Variants in REDIC1 observed in about 807,000 individuals in gnomAD.
REDIC1 encodes the protein regulator of DNA class I crossover intermediates 1.
chr12:39,755,096 A>G, the REDIC1 span: 1 of 152,016 alleles, frequency 6.6e-6, no homozygotes, highest in Non-Finnish European at 1.5e-5. Flanking sequence ...CTTTTTTTAA[A>G]AAAAGATTTT....
chr12:39,734,117 T>C, the REDIC1 span, among the ~76,000 whole-genome samples: 1 of 152,184 alleles, frequency 6.6e-6, no homozygotes. Flanking sequence ...GAATGCACAG[T>C]TCCTCACTGC....
the REDIC1 span, among the ~76,000 whole-genome samples, chr12:39,743,238 C>T: frequency 4.6e-5 from 7 of 152,264 alleles, no homozygotes; most frequent in South Asian, 2.1e-4. Context: ...GAATACCCAA[C>T]GCCAGCCTAC....
chr12:39,756,495 A>G, the REDIC1 span: 1 of 151,856 alleles, frequency 6.6e-6, no homozygotes, highest in Non-Finnish European at 1.5e-5. Context: ...GTGCTGATGA[A>G]ATAAAACCAA....
the REDIC1 span, among the ~76,000 whole-genome samples, chr12:39,879,251 G>C: frequency 6.6e-6 from 1 of 152,216 alleles, no homozygotes; most frequent in East Asian, 1.9e-4. Flanking sequence ...AAGTACCAAG[G>C]GGAAATGTGG....
At chr12:39,733,742 C>T in the REDIC1 span, among the ~76,000 whole-genome samples, 59 of 152,274 alleles carry the variant, frequency 3.9e-4, no homozygotes, top group African/African-American at 1.4e-3. Context: ...TAATGGAGGA[C>T]GCCTCTGCCA....
the REDIC1 span, among the ~76,000 whole-genome samples, chr12:39,686,453 C>G: frequency 6.6e-6 from 1 of 152,212 alleles, no homozygotes; most frequent in Non-Finnish European, 1.5e-5. Context: ...ACATGGGCCC[C>G]TTTGAGCCAT....
At chr12:39,896,163 T>C in the REDIC1 span, among the ~76,000 whole-genome samples, 3 of 149,120 alleles carry the variant, frequency 2.0e-5, no homozygotes, top group African/African-American at 7.3e-5. Context: ...TACACGTGTA[T>C]ACATATATGA....
the REDIC1 span, among the ~76,000 whole-genome samples, chr12:39,860,769 C>T: frequency 6.6e-6 from 1 of 152,088 alleles, no homozygotes; most frequent in Non-Finnish European, 1.5e-5. Flanking sequence ...ATCTGTCTAC[C>T]TGCTTATCTC....
the REDIC1 span, among the ~76,000 whole-genome samples, chr12:39,674,131 C>T: frequency 1.3e-5 from 2 of 152,176 alleles, no homozygotes; most frequent in Non-Finnish European, 2.9e-5. Context: ...AACTTTAGTT[C>T]CCAAATCAGA....
At chr12:39,755,179 A>C in the REDIC1 span, 3 of 152,156 alleles carry the variant, frequency 2.0e-5, no homozygotes, top group Admixed American at 6.6e-5. Flanking sequence ...AAATCTCCAT[A>C]AAATATACAA....
the REDIC1 span, chr12:39,682,895 A>T: frequency 1.2e-6 from 2 of 1,612,820 alleles, no homozygotes; most frequent in Non-Finnish European, 1.7e-6. Flanking sequence ...AAGTGTGATT[A>T]TGATAGTATG....
chr12:39,847,589 A>G, the REDIC1 span, among the ~76,000 whole-genome samples: 1 of 152,164 alleles, frequency 6.6e-6, no homozygotes, highest in East Asian at 1.9e-4. Context: ...TGGTGAACTT[A>G]TGAAAGACAT....
At chr12:39,681,318 G>A in the REDIC1 span, among the ~76,000 whole-genome samples, 1 of 152,108 alleles carries the variant, frequency 6.6e-6, no homozygotes, top group Non-Finnish European at 1.5e-5. Context: ...GGGGACTCTG[G>A]TGGAGGGTGG....
At chr12:39,655,383 T>A in the REDIC1 span, among the ~76,000 whole-genome samples, 1 of 152,188 alleles carries the variant, frequency 6.6e-6, no homozygotes, top group Non-Finnish European at 1.5e-5. Flanking sequence ...AGAAGTTGTG[T>A]TTAAACAGCT....
the REDIC1 span, chr12:39,757,213 A>G: frequency 6.6e-6 from 1 of 151,796 alleles, no homozygotes; most frequent in African/African-American, 2.4e-5. Context: ...GTATTTTCCT[A>G]AGACATAATA....
At chr12:39,771,710 T>C in the REDIC1 span, among the ~76,000 whole-genome samples, 1 of 152,004 alleles carries the variant, frequency 6.6e-6, no homozygotes, top group African/African-American at 2.4e-5. Context: ...CTCCTATCAT[T>C]CCTTTCTTCA....
At chr12:39,686,995 A>T in the REDIC1 span, among the ~76,000 whole-genome samples, 14 of 152,148 alleles carry the variant, frequency 9.2e-5, no homozygotes, top group Non-Finnish European at 1.6e-4. Context: ...AACAAAAGTG[A>T]CCTTTGCTAC....
At chr12:39,812,752 G>GT in the REDIC1 span, among the ~76,000 whole-genome samples, 711 of 151,450 alleles carry the variant, frequency 4.7e-3, 11 homozygotes, top group African/African-American at 0.017. Flanking sequence ...GATTACGGGC[G>GT]TGAGTCATTG....
chr12:39,890,000 CT>C, the REDIC1 span, among the ~76,000 whole-genome samples: 1 of 152,132 alleles, frequency 6.6e-6, no homozygotes, highest in Non-Finnish European at 1.5e-5. Flanking sequence ...ACATAGTAGT[CT>C]TAAGTCTATA....
Sources: allele counts gnomAD v4.1 joint callset (sites outside exome capture counted in the v4.1 genomes callset), GRCh38; gene constraint gnomAD v4.1.1; transcripts MANE v1.5; gene names NCBI Gene and HGNC (gene_info 2026-07-23, HGNC 2026-07-21).